Variants in OR2T1 observed in about 807,000 individuals in gnomAD.
The protein encoded by OR2T1 is olfactory receptor 2T1.
For missense variants in OR2T1, 440 were observed against 390.2 expected (o/e 1.13, Z -1.07); for synonymous variants, 186 against 145.4 (o/e 1.28, Z -2.01).
At chr1:248,404,307 A>G (rs1243259044) in intron 1 of OR2T1, among the ~76,000 whole-genome samples, 1 of 926 alleles carries the variant, frequency 1.1e-3, no homozygotes, top group Non-Finnish European at 1.6e-3. Flanking sequence ...GTCTTATCGC[A>G]TGATAAAAGT....
rs773551608 is a variant in OR2T1 at position 248,406,730 on chromosome 1, G to A, written c.583G>A (p.Glu195Lys). 5.9e-5 allele frequency: 96 copies of A among 1,614,036 alleles called. No homozygotes were observed. The highest frequency in any genetic ancestry group is 6.8e-5 in the Non-Finnish European group (80 of 1,180,016). ...GGCATGTGCAGACACAGCCCTCTAC[G>A]AGACAGTGATGTATGTGTGCTGTGT... ...KLACADTALY[E>K]TVMYVCCVLM... The change falls in exon 2 of 2, where the codon GAG becomes AAG. Residue 195 changes from glutamate to lysine, a missense_variant. Physicochemically the swap from Glu to Lys is moderately conservative, Grantham distance 56. Transcript: ENST00000642005.
Position 248,406,871 on chromosome 1 carries a change from TCCCACATGAC to T in OR2T1, c.725_734del (p.Ser242LeufsTer40). ...GAAGAAGGCATTTGCCACTTGCTCA[TCCCACATGAC>T]TGTGGTGTCCTTGTTCTACGGGGCT... On this transcript the variant is annotated frameshift_variant, in exon 2 of 2. Transcript: ENST00000642005. LOFTEE classifies it low-confidence loss of function (END_TRUNC). 1 of 1,614,158 alleles carries T rather than the reference TCCCACATGAC, an allele frequency of 6.2e-7. No individual in the cohort carries two copies. The highest frequency in any genetic ancestry group is 8.5e-7 in the Non-Finnish European group (1 of 1,179,998).
At position 248,406,866 on chromosome 1, in the gene OR2T1, G is replaced by A; in HGVS notation, c.719G>A (p.Cys240Tyr). Residue 240 changes from cysteine (C) to tyrosine (Y), a missense_variant, in exon 2 of 2, where the codon TGC (cysteine) becomes TAC (tyrosine). By Grantham distance (194) the Cys-to-Tyr change is radical. Transcript: ENST00000642005. ...GGCAGGAAGAAGGCATTTGCCACTT[G>A]CTCATCCCACATGACTGTGGTGTCC... ...VEGRKKAFAT[C>Y]SSHMTVVSLF... The A allele has an allele frequency of 6.2e-7, 1 of 1,614,166 alleles. No homozygotes were observed.
rs753213554 is a variant in OR2T1, at chr1:248,406,453, C to A, written c.306C>A (p.Leu102=). 23 of 1,614,060 alleles carry A rather than the reference C, an allele frequency of 1.4e-5. No individual in the cohort carries two copies. Among genetic ancestry groups the A allele is most frequent in the Non-Finnish European group, 1.9e-5 (22 of 1,180,028 alleles). ...SFVGCTAQHF[L]YLTLVGAEFF... is the part of the protein sequence containing the mutation. ...TGGGGTGCACAGCTCAACACTTCCT[C>A]TACCTTACCCTTGTGGGAGCTGAAT... The change falls in exon 2 of 2, where the codon CTC becomes CTA. Residue 102 remains leucine (L), a synonymous_variant. Transcript: ENST00000642005.
intron 1 of OR2T1, among the ~76,000 whole-genome samples, chr1:248,405,470 T>C (rs891323597): frequency 6.6e-6 from 1 of 152,188 alleles, no homozygotes; most frequent in Admixed American, 6.5e-5. Context: ...ATAAATAAAA[T>C]TCTACAACAC....
Position 248,407,291 on chromosome 1 carries a change from A to C in OR2T1, c.*187A>C. On this transcript the variant is annotated 3_prime_UTR_variant, in exon 2 of 2. Transcript: ENST00000642005. ...GGTTTTTTAGGCCTCAGAAAACTGA[A>C]TCTCTCTCTGTGATCTTCGCCTTCC... The C allele has an allele frequency of 2.1e-6, 1 of 466,526 alleles. No homozygotes were observed. 28.9% of individuals were successfully genotyped at this position (466,526 alleles called of 1,614,324 possible).
chr1:248,406,371 C>G lies in OR2T1; in HGVS notation c.224C>G (p.Thr75Ser). ...LSLIDMMYISTIVPKMLVNYL... is the reference protein window; with the variant it reads ...LSLIDMMYISSIVPKMLVNYL... ...TTAATTGACATGATGTATATTTCCA[C>G]TATTGTGCCTAAGATGCTGGTTAAT... is the stretch of plus-strand genomic sequence containing the variant. The change falls in exon 2 of 2, where the codon ACT becomes AGT. Residue 75 changes from threonine to serine, a missense_variant. By Grantham distance (58) the Thr-to-Ser change is moderately conservative (BLOSUM62 1). Transcript: ENST00000642005. 1 of 1,614,140 alleles carries G rather than the reference C, an allele frequency of 6.2e-7. No homozygotes were observed.
At chr1:248,405,916 T>G in intron 1 of OR2T1, 199 bp from the exon 2 acceptor site, 1 of 1,170,110 alleles carries the variant, frequency 8.5e-7, no homozygotes, top group Non-Finnish European at 1.2e-6. Flanking sequence ...TCCAATGTAT[T>G]TAAGCAATTA....
At chr1:248,405,144 C>A (rs1661529616) in intron 1 of OR2T1, among the ~76,000 whole-genome samples, 1 of 152,002 alleles carries the variant, frequency 6.6e-6, no homozygotes, top group Non-Finnish European at 1.5e-5. Flanking sequence ...AATTTTACTC[C>A]CAAATATGTT....
chr1:248,404,183 C>T (rs182574054), intron 1 of OR2T1, among the ~76,000 whole-genome samples: 380 of 1,290 alleles, frequency 0.29, 9 homozygotes, highest in Non-Finnish European at 0.33. Flanking sequence ...TGTCCCTGTG[C>T]TATTACATAT....
At position 248,403,388 on chromosome 1, in the gene OR2T1, G is replaced by T. The variant is rs1329530816; in HGVS notation, c.-34+143G>T. On this transcript the variant is annotated intron_variant, in intron 1 of 1. Transcript: ENST00000642005. Reference sequence around the variant, plus strand: ...TTACTTGGTATTGTATAAAATATTTGCACCTGTAACTATAAATTTCTTATT... The same window carrying T: ...TTACTTGGTATTGTATAAAATATTTTCACCTGTAACTATAAATTTCTTATT... The T allele has an allele frequency of 3.3e-5, 5 of 152,142 alleles. No homozygotes were observed. In the East Asian group the frequency reaches 9.7e-4, roughly 29 times the overall value. The allele number at this position is 152,142 out of a possible 1,614,324, so 9.4% of individuals were successfully genotyped here.
chr1:248,404,546 T>TTATATATATATATATATATATATATA lies in OR2T1; in HGVS notation c.-34+1315_-34+1316insTATATATATATATATATATATATATA, dbSNP rs1224274738. Among the ~76,000 whole-genome samples, 885 of 134,872 alleles carry TTATATATATATATATATATATATATA rather than the reference T, an allele frequency of 6.6e-3. 21 individuals are homozygous for TTATATATATATATATATATATATATA. Among genetic ancestry groups the TTATATATATATATATATATATATATA allele is most frequent in the Non-Finnish European group, 0.011 (664 of 61,598 alleles). The allele number at this position is 134,872 out of a possible 152,430, so 88.5% of individuals were successfully genotyped here. On this transcript the variant is annotated intron_variant, in intron 1 of 1. Transcript: ENST00000642005. ...ATATTCTGAATTAGCAAAATATACA[T>TTATATATATATATATATATATATATA]TATATATATATATAAAATATACATA... is the stretch of plus-strand genomic sequence containing the variant.
At position 248,406,680 on chromosome 1, in the gene OR2T1, G is replaced by C. The variant is rs763963898; in HGVS notation, c.533G>C (p.Cys178Ser). Residue 178 changes from cysteine to serine, a missense_variant, in exon 2 of 2, where the codon TGT becomes TCT. By Grantham distance (112) the Cys-to-Ser change is moderately radical. Transcript: ENST00000642005. ...CNSREINHFF[C>S]EAPAVLKLAC... ...TCCCGGGAGATTAACCACTTCTTCT[G>C]TGAGGCACCAGCAGTCCTGAAGTTG... 3.1e-6 allele frequency: 5 copies of C among 1,613,980 alleles called. No individual in the cohort carries two copies. Among genetic ancestry groups the C allele is most frequent in the African/African-American group, 1.3e-5 (1 of 74,924 alleles).
intron 1 of OR2T1, among the ~76,000 whole-genome samples, chr1:248,405,327 A>C (rs974141506): frequency 1.1e-4 from 16 of 152,168 alleles, no homozygotes; most frequent in African/African-American, 3.6e-4. Context: ...ATTTCCAAAA[A>C]TAATCAGTGA....
At chr1:248,404,298 T>C (rs1249713201) in intron 1 of OR2T1, among the ~76,000 whole-genome samples, 1 of 42 alleles carries the variant, frequency 0.024, no homozygotes, top group Non-Finnish European at 0.045. Flanking sequence ...GTTTCTGGTG[T>C]CTTATCGCAT....
Position 248,406,297 on chromosome 1 carries a change from A to G in OR2T1, c.150A>G (p.Thr50=). The G allele has an allele frequency of 6.2e-7, 1 of 1,614,144 alleles. No homozygotes were observed. Among genetic ancestry groups the G allele is most frequent in the Non-Finnish European group, 8.5e-7 (1 of 1,180,002 alleles). Residue 50 remains threonine (T), a synonymous_variant, in exon 2 of 2, where the codon ACA becomes ACG. Coordinates refer to ENST00000642005, the MANE Select transcript of OR2T1 (RefSeq NM_030904.2). The stretch of plus-strand genomic sequence containing the variant: ...GGGTTATGATCTTCCTGATCCAAAC[A>G]GATTTGCGCCTTCATACACCCATGT... ...ANGVMIFLIQ[T]DLRLHTPMYF... is the part of the protein sequence containing the mutation.
Position 248,407,195 on chromosome 1 carries a change from G to A in OR2T1, c.*91G>A. 2 of 1,267,048 alleles carry A rather than the reference G, an allele frequency of 1.6e-6. No homozygotes were observed. Among genetic ancestry groups the A allele is most frequent in the South Asian group, 1.5e-5 (1 of 66,894 alleles). 78.5% of individuals were successfully genotyped at this position (1,267,048 alleles called of 1,614,324 possible). On this transcript the variant is annotated 3_prime_UTR_variant, in exon 2 of 2. Coordinates refer to ENST00000642005, the MANE Select transcript of OR2T1 (RefSeq NM_030904.2). ...TCAAAAGATGAAGCAAAAAGGGAGG[G>A]AGTCATATGATTACAATATTGGTTT...
chr1:248,407,059 G>T lies in OR2T1; in HGVS notation c.912G>T (p.Leu304Phe), dbSNP rs749079427. The change falls in exon 2 of 2, where the codon TTG (leucine) becomes TTT (phenylalanine). Residue 304 changes from leucine to phenylalanine, a missense_variant. Transcript: ENST00000642005. ...TGACTGGAGCTCTGAAGAGGGCCTT[G>T]GGGAGGTTCAAGGGTCCTCAAAGGG... is the stretch of plus-strand genomic sequence containing the variant. Reference protein sequence around the residue: ...KDVTGALKRALGRFKGPQRVS... With the variant: ...KDVTGALKRAFGRFKGPQRVS... 5 of 1,612,522 alleles carry T rather than the reference G, an allele frequency of 3.1e-6. No homozygotes were observed. Among genetic ancestry groups the T allele is most frequent in the Non-Finnish European group, 4.2e-6 (5 of 1,179,194 alleles).
rs1197263827 is a variant in OR2T1, at chr1:248,407,929, T to C, written c.*825T>C. On this transcript the variant is annotated 3_prime_UTR_variant, in exon 2 of 2. Coordinates refer to ENST00000642005, the MANE Select transcript of OR2T1 (RefSeq NM_030904.2). ...CTGAACCCAAGGAAGGGCCGTGGGA[T>C]CCCCAATTTACAATCACTTGGTCAA... is the stretch of plus-strand genomic sequence containing the variant. The C allele has an allele frequency of 1.3e-5, 2 of 152,280 alleles. No individual in the cohort carries two copies. The highest frequency in any genetic ancestry group is 6.5e-5 in the Admixed American group (1 of 15,282). 9.4% of individuals were successfully genotyped at this position (152,280 alleles called of 1,614,324 possible). A position where few individuals can be genotyped will look rare whatever the true frequency, so the allele number is the denominator to read the frequency against.
Sources: allele counts gnomAD v4.1 joint callset (sites outside exome capture counted in the v4.1 genomes callset), GRCh38; gene constraint gnomAD v4.1.1; transcripts MANE v1.5; gene names NCBI Gene and HGNC (gene_info 2026-07-23, HGNC 2026-07-21).